The following ABHD3 variants were observed in gnomAD, a reference collection of about 807,000 sequenced individuals.
ABHD3 encodes abhydrolase domain containing 3, phospholipase, also known as phospholipase ABHD3.
Under a neutral mutation model 48.8 loss-of-function variants are expected in ABHD3, and 46 were observed. The ratio of observed to expected loss-of-function variants is 0.94; its 90% CI spans 0.74 to 1.20. The LOEUF (loss-of-function observed/expected upper bound fraction) is 1.20, where lower values mean the gene tolerates loss of function less well. Ranked by LOEUF, ABHD3 falls within the 50% of genes most tolerant of loss-of-function variation. The pLI is 0.00. For missense variants in ABHD3, 490 were observed against 497.8 expected (o/e 0.98, Z 0.15); for synonymous variants, 192 against 183.7 (o/e 1.04, Z -0.36).
intron 4 of ABHD3, among the ~76,000 whole-genome samples, chr18:21,675,865 G>C (rs2039872031): frequency 1.3e-5 from 2 of 152,112 alleles, no homozygotes; most frequent in African/African-American, 4.8e-5. Flanking sequence ...GGCCAAGGTG[G>C]GCAGATCACT....
At chr18:21,695,030 T>C (rs895042516) in intron 3 of ABHD3, among the ~76,000 whole-genome samples, 7 of 152,080 alleles carry the variant, frequency 4.6e-5, no homozygotes, top group Non-Finnish European at 7.4e-5. Flanking sequence ...AAAATAAAGA[T>C]ATGATTTTCT....
intron 4 of ABHD3, among the ~76,000 whole-genome samples, chr18:21,666,042 T>A (rs2146293385): frequency 6.6e-6 from 1 of 151,892 alleles, no homozygotes; most frequent in Non-Finnish European, 1.5e-5. Flanking sequence ...ATTTTATTTA[T>A]TTTTTTTGAG....
intron 6 of ABHD3, among the ~76,000 whole-genome samples, chr18:21,658,088 T>G (rs1452678192): frequency 6.6e-6 from 1 of 151,712 alleles, no homozygotes; most frequent in Non-Finnish European, 1.5e-5. Flanking sequence ...TCCCAGCTAC[T>G]TGAGAGGCTG....
At chr18:21,671,326 A>G (rs1481144392) in intron 4 of ABHD3, among the ~76,000 whole-genome samples, 1 of 152,160 alleles carries the variant, frequency 6.6e-6, no homozygotes, top group Non-Finnish European at 1.5e-5. Context: ...CTTTCTTCAC[A>G]GGAGCTGAAG....
chr18:21,664,645 T>C (rs2039580647), intron 4 of ABHD3: 1 of 159,866 alleles, frequency 6.3e-6, no homozygotes, highest in South Asian at 1.8e-4. Flanking sequence ...TTGTTTGTTT[T>C]GGAAAGACAG....
intron 3 of ABHD3, among the ~76,000 whole-genome samples, chr18:21,699,682 T>G (rs933733114): frequency 6.6e-6 from 1 of 152,118 alleles, no homozygotes; most frequent in African/African-American, 2.4e-5. Context: ...TTTTGTAATT[T>G]TGTGTGTGTG....
intron 8 of ABHD3, among the ~76,000 whole-genome samples, chr18:21,656,488 G>C (rs916196475): frequency 2.0e-4 from 31 of 152,166 alleles, no homozygotes; most frequent in African/African-American, 7.0e-4. Context: ...GATTAAAAGG[G>C]AAGAAAAACT....
Position 21,703,760 on chromosome 18 carries a change from G to A in ABHD3, c.163-13C>T, listed in dbSNP as rs1221123632. On this transcript the variant is annotated splice_polypyrimidine_tract_variant and intron_variant, in intron 1 of 8. Coordinates refer to ENST00000289119, the MANE Select transcript of ABHD3 (RefSeq NM_138340.5). ...CTAACTGGGGTTTCTGAAGGGAAAA[G>A]CAGTATCAGAGAAGGGCCCAGAGCA... The A allele has an allele frequency of 1.2e-6, 2 of 1,611,556 alleles. No individual in the cohort carries two copies. Among genetic ancestry groups the A allele is most frequent in the African/African-American group, 1.3e-5 (1 of 74,876 alleles).
chr18:21,664,277 A>C, intron 4 of ABHD3, 47 bp from the exon 5 acceptor site: 2 of 1,565,910 alleles, frequency 1.3e-6, no homozygotes, highest in Non-Finnish European at 1.7e-6. Context: ...TGTGAGGTTA[A>C]TGATTTGTAA....
chr18:21,667,870 CG>C (rs1233352240), intron 4 of ABHD3, among the ~76,000 whole-genome samples: 1 of 151,724 alleles, frequency 6.6e-6, no homozygotes, highest in Non-Finnish European at 1.5e-5. Flanking sequence ...TCACAAGGGG[CG>C]GGGGGCACAA....
intron 4 of ABHD3, among the ~76,000 whole-genome samples, chr18:21,670,647 T>C (rs928775406): frequency 3.3e-5 from 5 of 152,168 alleles, no homozygotes; most frequent in African/African-American, 1.2e-4. Flanking sequence ...CTTAATATCC[T>C]TGCCACCTGT....
chr18:21,655,516 T>C (rs1328445812), intron 8 of ABHD3, among the ~76,000 whole-genome samples: 1 of 152,050 alleles, frequency 6.6e-6, no homozygotes, highest in African/African-American at 2.4e-5. Context: ...TTATCTTTGT[T>C]ATCAAATTTC....
intron 5 of ABHD3, among the ~76,000 whole-genome samples, chr18:21,659,761 C>T (rs2146284408): frequency 6.6e-6 from 1 of 152,114 alleles, no homozygotes; most frequent in Admixed American, 6.6e-5. Flanking sequence ...CTCCACCCCC[C>T]TGGTTCAAGC....
At chr18:21,697,472 C>G (rs80152423) in intron 3 of ABHD3, among the ~76,000 whole-genome samples, 34,115 of 151,994 alleles carry the variant, frequency 0.22, 4,570 homozygotes, top group East Asian at 0.43. Flanking sequence ...CTCCACCTCC[C>G]GAGTTCAAGC....
chr18:21,668,217 A>AAAAAAAAAAAAAG (rs1370034550), intron 4 of ABHD3, among the ~76,000 whole-genome samples: 1 of 137,682 alleles, frequency 7.3e-6, no homozygotes, highest in Non-Finnish European at 1.6e-5. Flanking sequence ...AAAAAAAAAA[A>AAAAAAAAAAAAAG]AAAGAAAGAA....
intron 4 of ABHD3, chr18:21,682,528 C>T (rs1176650299): frequency 6.6e-6 from 1 of 152,232 alleles, no homozygotes. Flanking sequence ...TTGACTGTCT[C>T]TCCCACAACT....
chr18:21,665,633 G>A (rs1001552779), intron 4 of ABHD3, among the ~76,000 whole-genome samples: 24 of 152,004 alleles, frequency 1.6e-4, no homozygotes, highest in African/African-American at 1.4e-4. Context: ...CTAAAACAGC[G>A]AAACCCTGTC....
At chr18:21,684,092 T>C in intron 3 of ABHD3, 127 bp from the exon 4 acceptor site, 2 of 779,356 alleles carry the variant, frequency 2.6e-6, no homozygotes, top group East Asian at 2.9e-5. Flanking sequence ...CTTGTAGTTG[T>C]AATGTTTGGC....
chr18:21,695,800 A>C (rs2040356881), intron 3 of ABHD3, among the ~76,000 whole-genome samples: 1 of 152,126 alleles, frequency 6.6e-6, no homozygotes, highest in South Asian at 2.1e-4. Context: ...ACTTACAGCC[A>C]ATCTTGCTCC....
Sources: gnomAD v4.1 joint callset for allele counts (sites outside exome capture counted in the v4.1 genomes callset) on GRCh38, gnomAD v4.1.1 for gene constraint, MANE v1.5 for transcripts, NCBI Gene and HGNC (gene_info 2026-07-23, HGNC 2026-07-21) for gene names.